The following HTR1F variants were observed in gnomAD, a reference collection of about 807,000 sequenced individuals.
HTR1F encodes the protein 5-hydroxytryptamine (serotonin) receptor 1F, G protein-coupled.
HTR1F carries 17 observed loss-of-function variants against 24.0 expected under a neutral mutation model. The ratio of observed to expected loss-of-function variants is 0.71; its 90% CI spans 0.48 to 1.06. The LOEUF is 1.06. Among genes scored for constraint, HTR1F ranks in the 50% least tolerant of loss-of-function variants. HTR1F has a pLI of 0.00. For missense variants in HTR1F, 391 were observed against 427.8 expected, an observed-to-expected ratio of 0.91 and a Z score of 0.76; for synonymous variants, 186 against 156.8, an observed-to-expected ratio of 1.19 and a Z score of -1.39.
chr3:87,861,037 G>A (rs1705308077), intron 2 of HTR1F, among the ~76,000 whole-genome samples: 1 of 152,088 alleles, frequency 6.6e-6, no homozygotes. Context: ...GGTGCCTGTA[G>A]TCCCAGCTAC....
chr3:87,901,374 C>A (rs1387761494), intron 2 of HTR1F, among the ~76,000 whole-genome samples: 1 of 151,948 alleles, frequency 6.6e-6, no homozygotes, highest in Non-Finnish European at 1.5e-5. Flanking sequence ...AGAAGAAAGA[C>A]CACATGAAGA....
chr3:87,928,417 T>C lies in HTR1F; in HGVS notation c.-42-62291T>C, dbSNP rs541038674. Among the ~76,000 whole-genome samples, 6 of 152,338 alleles carry C rather than the reference T, an allele frequency of 3.9e-5. No individual in the cohort carries two copies. In the East Asian group the frequency reaches 1.2e-3, roughly 29 times the overall value. Reference sequence around the variant, plus strand: ...ATTGAACATTTTATTTGGACAGCTCTAGCATTTCTAAGTAATAGTATAGGT... The same window carrying C: ...ATTGAACATTTTATTTGGACAGCTCCAGCATTTCTAAGTAATAGTATAGGT... On this transcript the variant is annotated intron_variant, in intron 2 of 2. Transcript: ENST00000319595.
intron 2 of HTR1F, among the ~76,000 whole-genome samples, chr3:87,840,728 G>A (rs1394460792): frequency 6.6e-6 from 1 of 151,920 alleles, no homozygotes; most frequent in African/African-American, 2.4e-5. Flanking sequence ...ATGTATATAT[G>A]CAATAAAATA....
chr3:87,951,268 C>A (rs1300980813), intron 2 of HTR1F, among the ~76,000 whole-genome samples: 1 of 152,068 alleles, frequency 6.6e-6, no homozygotes, highest in Admixed American at 6.6e-5. Flanking sequence ...AACAGCATTA[C>A]CACGAAGAAC....
chr3:87,935,305 G>A (rs2107421241), intron 2 of HTR1F, among the ~76,000 whole-genome samples: 1 of 152,264 alleles, frequency 6.6e-6, no homozygotes, highest in Middle Eastern at 3.4e-3. Context: ...TCCCATCATT[G>A]TCTCTCACCA....
In HTR1F at chr3:87,826,727, C is replaced by A. The variant is rs115319580; in HGVS notation, c.-43+4603C>A. On this transcript the variant is annotated intron_variant, in intron 2 of 2. Transcript: ENST00000319595. ...TGTCTTACCTACTACCGTGTAAATT[C>A]CTTGAATGGAGAACAGTACCACAGC... 2.0e-5 allele frequency among the ~76,000 whole-genome samples: 3 copies of A among 152,108 alleles called. No individual in the cohort carries two copies. The East Asian group carries it at 5.8e-4, about 29-fold the overall frequency.
intron 2 of HTR1F, among the ~76,000 whole-genome samples, chr3:87,973,240 C>T (rs181170089): frequency 2.6e-5 from 4 of 152,218 alleles, no homozygotes; most frequent in South Asian, 2.1e-4. Context: ...CATCTTCGGT[C>T]GCTCTCCATT....
At position 87,993,613 on chromosome 3, in the gene HTR1F, T is replaced by G. The variant is rs1705884491; in HGVS notation, c.*1763T>G. On this transcript the variant is annotated 3_prime_UTR_variant, in exon 3 of 3. Transcript: ENST00000319595. Reference sequence around the variant, plus strand: ...GTTGTGACAACATCAGGATACAAACTGCACCATGCAAGTATTTGGTGGGGC... The same window carrying G: ...GTTGTGACAACATCAGGATACAAACGGCACCATGCAAGTATTTGGTGGGGC... 6.0e-6 allele frequency: 1 copy of G among 167,036 alleles called. No homozygotes were observed. The highest frequency in any genetic ancestry group is 1.5e-5 in the Non-Finnish European group (1 of 68,120). The allele number at this position is 167,036 out of a possible 1,614,324, so 10.3% of individuals were successfully genotyped here.
chr3:87,934,537 A>G (rs575862509), intron 2 of HTR1F, among the ~76,000 whole-genome samples: 3 of 152,332 alleles, frequency 2.0e-5, no homozygotes, highest in East Asian at 3.9e-4. Flanking sequence ...TGCATCAGTC[A>G]TGACTATTCT....
At chr3:87,972,771 AG>A (rs1383805997) in intron 2 of HTR1F, among the ~76,000 whole-genome samples, 2 of 152,192 alleles carry the variant, frequency 1.3e-5, no homozygotes, top group Non-Finnish European at 2.9e-5. Context: ...AATAAGCTAT[AG>A]AATCATGTCA....
At chr3:87,914,702 G>C (rs1703853710) in intron 2 of HTR1F, among the ~76,000 whole-genome samples, 1 of 151,846 alleles carries the variant, frequency 6.6e-6, no homozygotes, top group South Asian at 2.1e-4. Flanking sequence ...CATCCAAGTA[G>C]AGTCTAAGTT....
At chr3:87,800,080 T>A (rs1449242360) in intron 1 of HTR1F, among the ~76,000 whole-genome samples, 1 of 152,190 alleles carries the variant, frequency 6.6e-6, no homozygotes. Context: ...ACTCTTTCAA[T>A]ACCTTCCAAA....
intron 1 of HTR1F, among the ~76,000 whole-genome samples, chr3:87,820,844 G>C (rs1395399077): frequency 1.3e-5 from 2 of 152,072 alleles, no homozygotes; most frequent in Admixed American, 6.5e-5. Context: ...TTTATGTTTT[G>C]TAAAGTTCTG....
intron 2 of HTR1F, among the ~76,000 whole-genome samples, chr3:87,868,202 A>G (rs1177291839): frequency 6.6e-6 from 1 of 152,100 alleles, no homozygotes; most frequent in African/African-American, 2.4e-5. Flanking sequence ...TTCTGACATT[A>G]GTTGGATCTC....
chr3:87,907,671 G>A (rs184853282), intron 2 of HTR1F, among the ~76,000 whole-genome samples: 6 of 151,942 alleles, frequency 3.9e-5, no homozygotes, highest in East Asian at 1.9e-4. Flanking sequence ...TAGGAAAGTC[G>A]TTGCTCTCAA....
chr3:87,892,362 T>A (rs958268572), intron 2 of HTR1F, among the ~76,000 whole-genome samples: 8 of 152,060 alleles, frequency 5.3e-5, no homozygotes, highest in African/African-American at 1.9e-4. Flanking sequence ...TTTAACATTT[T>A]TATTTCCATT....
At chr3:87,931,205 A>T (rs142436987) in intron 2 of HTR1F, among the ~76,000 whole-genome samples, 3,892 of 146,332 alleles carry the variant, frequency 0.027, 155 homozygotes, top group African/African-American at 0.093. Flanking sequence ...CCCCTCCCCC[A>T]ACCCCACAAC....
At chr3:87,956,170 G>T (rs1704938828) in intron 2 of HTR1F, among the ~76,000 whole-genome samples, 1 of 151,214 alleles carries the variant, frequency 6.6e-6, no homozygotes, top group Non-Finnish European at 1.5e-5. Context: ...ATGTTTTATT[G>T]TTTTGACTTT....
intron 2 of HTR1F, among the ~76,000 whole-genome samples, chr3:87,898,714 G>C (rs1706255435): frequency 6.6e-6 from 1 of 151,634 alleles, no homozygotes; most frequent in South Asian, 2.1e-4. Context: ...AGGGGTATTT[G>C]TTTTTGTTAA....
Sources: allele counts gnomAD v4.1 joint callset (sites outside exome capture counted in the v4.1 genomes callset), GRCh38; gene constraint gnomAD v4.1.1; transcripts MANE v1.5; gene names NCBI Gene and HGNC (gene_info 2026-07-23, HGNC 2026-07-21).